MCF2L: variants seen among roughly 807,000 people sequenced by gnomAD.
MCF2L encodes MCF.2 cell line derived transforming sequence like.
In MCF2L, 97 loss-of-function variants were observed where a neutral mutation model predicts 153.4. The observed-to-expected ratio is 0.63, with a 90% CI of 0.54 to 0.75. The LOEUF (loss-of-function observed/expected upper bound fraction) is 0.75, where lower values mean the gene tolerates loss of function less well. Among genes scored for constraint, MCF2L ranks in the 30% least tolerant of loss-of-function variants. The probability of loss-of-function intolerance (pLI) is 0.00; values close to 1 mark genes in which losing one functional copy is unlikely to be tolerated. For synonymous variants in MCF2L, 659 were observed against 632.2 expected (o/e 1.04, Z -0.64); for missense variants, 1,347 against 1,495.2 (o/e 0.90, Z 1.64).
intron 2 of MCF2L, among the ~76,000 whole-genome samples, chr13:113,018,494 C>T (rs1322192622): frequency 2.0e-5 from 3 of 152,130 alleles, no homozygotes; most frequent in Non-Finnish European, 2.9e-5. Flanking sequence ...CTGAGTCATC[C>T]GTTTGACTCT....
At chr13:112,913,777 G>T (rs765154866) in intron 2 of MCF2L, among the ~76,000 whole-genome samples, 4 of 152,038 alleles carry the variant, frequency 2.6e-5, no homozygotes, top group Non-Finnish European at 5.9e-5. Flanking sequence ...TCCTCTCAAC[G>T]AATGTGTGCT....
chr13:112,947,375 A>T (rs2081648562), intron 2 of MCF2L, among the ~76,000 whole-genome samples: 1 of 152,154 alleles, frequency 6.6e-6, no homozygotes, highest in Non-Finnish European at 1.5e-5. Flanking sequence ...CCAACTCAAA[A>T]ATCTAAATTC....
intron 1 of MCF2L, among the ~76,000 whole-genome samples, chr13:112,996,196 C>T (rs1188589594): frequency 2.0e-5 from 3 of 152,138 alleles, no homozygotes; most frequent in Admixed American, 6.5e-5. Flanking sequence ...GGCTTGGAGG[C>T]GTGCACCTGT....
intron 2 of MCF2L, among the ~76,000 whole-genome samples, chr13:112,929,075 T>C: frequency 6.6e-6 from 1 of 152,350 alleles, no homozygotes; most frequent in East Asian, 1.9e-4. Context: ...CCTGGCTGTG[T>C]CTTCTGGGGC....
At chr13:113,043,137 G>T (rs2086605486) in intron 3 of MCF2L, 1 of 152,262 alleles carries the variant, frequency 6.6e-6, no homozygotes, top group Non-Finnish European at 1.5e-5. Flanking sequence ...CCTGTCCAGG[G>T]TGATGCCTTT....
chr13:113,045,121 GCCC>G lies in MCF2L; in HGVS notation c.279-147_279-145del, dbSNP rs1566791506. 1 of 904,290 alleles carries G rather than the reference GCCC, an allele frequency of 1.1e-6. No homozygotes were observed. The highest frequency in any genetic ancestry group is 2.6e-5 in the East Asian group (1 of 38,312). 56.0% of individuals were successfully genotyped at this position (904,290 alleles called of 1,614,324 possible). ...GGACTGCGGGGATGGGGCTGCCGGG[GCCC>G]CCGTGTGCCATGCCTCTCACCTGGT... On this transcript the variant is annotated intron_variant, in intron 3 of 29. Coordinates refer to ENST00000535094, the MANE Select transcript of MCF2L (RefSeq NM_001112732.3). This position sits in a 1 kb window ranked among gnomAD's most constrained non-coding sequence, Gnocchi z 4.2.
chr13:112,917,491 G>C (rs1325878468), intron 2 of MCF2L: 2 of 308,438 alleles, frequency 6.5e-6, no homozygotes. Context: ...CCCCACCGCC[G>C]TCTCGCAGAA....
At chr13:112,905,283 C>G (rs1011061086) in intron 2 of MCF2L, among the ~76,000 whole-genome samples, 5 of 152,210 alleles carry the variant, frequency 3.3e-5, no homozygotes, top group Non-Finnish European at 5.9e-5. Flanking sequence ...TCCCCATTGG[C>G]TGGAGTCAGA....
rs1275893456 is a variant in MCF2L at position 113,064,190 on chromosome 13, G to A, written c.490-114G>A. Reference sequence around the variant, plus strand: ...GCCCCCACCCACACAGCCGCCCGCAGCATCCAGGCAGACGTGGTCCTCTCT... The same window carrying A: ...GCCCCCACCCACACAGCCGCCCGCAACATCCAGGCAGACGTGGTCCTCTCT... On this transcript the variant is annotated intron_variant, in intron 5 of 29. Transcript: ENST00000535094. The surrounding 1 kb of genome is among the most constrained non-coding windows in gnomAD (Gnocchi z 6.0). 2 of 797,146 alleles carry A rather than the reference G, an allele frequency of 2.5e-6. No homozygotes were observed. The highest frequency in any genetic ancestry group is 1.8e-5 in the Admixed American group (1 of 56,846). 49.4% of individuals were successfully genotyped at this position (797,146 alleles called of 1,614,324 possible). A position where few individuals can be genotyped will look rare whatever the true frequency, so the allele number is the denominator to read the frequency against.
At chr13:112,999,049 G>A (rs1354234697) in intron 1 of MCF2L, among the ~76,000 whole-genome samples, 2 of 152,196 alleles carry the variant, frequency 1.3e-5, no homozygotes, top group East Asian at 3.9e-4. Context: ...CACGTGTTCC[G>A]GCCTCTGATG....
chr13:113,026,896 G>C (rs374874663), intron 3 of MCF2L: 73 of 760,406 alleles, frequency 9.6e-5, no homozygotes, highest in Admixed American at 1.6e-4. Context: ...GCATCAGGCC[G>C]GTGAGCTGCA....
Position 113,096,859 on chromosome 13 carries a change from G to A in MCF2L, c.3378G>A (p.Ter1126=), listed in dbSNP as rs2035714926. Reference sequence around the variant, plus strand: ...CCCCCTTCTCCGACCTGCAGGGGTAGCGCGGCCTCGGCGCCGGAGACCCGC... The same window carrying A: ...CCCCCTTCTCCGACCTGCAGGGGTAACGCGGCCTCGGCGCCGGAGACCCGC... ...GQAPFSDLQG[*] Residue 1126 remains the stop codon, a stop_retained_variant, in exon 30 of 30, where the codon TAG becomes TAA. Coordinates refer to ENST00000535094, the MANE Select transcript of MCF2L (RefSeq NM_001112732.3). 4.2e-6 allele frequency: 6 copies of A among 1,434,444 alleles called. No individual in the cohort carries two copies. The highest frequency in any genetic ancestry group is 5.4e-6 in the Non-Finnish European group (6 of 1,102,286). The allele number at this position is 1,434,444 out of a possible 1,614,324, so 88.9% of individuals were successfully genotyped here. A position where few individuals can be genotyped will look rare whatever the true frequency, so the allele number is the denominator to read the frequency against.
Position 113,086,239 on chromosome 13 carries a change from C to T in MCF2L, c.2363C>T (p.Thr788Ile). The change falls in exon 21 of 30, where the codon ACC becomes ATC. Residue 788 changes from threonine (T) to isoleucine (I), a missense_variant. Physicochemically the swap from Thr to Ile is moderately conservative, Grantham distance 89. Around this residue, in one of 3 missense-constraint regions of MCF2L, gnomAD observed 144 missense variants for 238.7 expected, o/e 0.60. Coordinates refer to ENST00000535094, the MANE Select transcript of MCF2L (RefSeq NM_001112732.3). Reference sequence around the variant, plus strand: ...GACTCCATGCACCTCATCGCTATCACCGGCTATGACGTAAGGCGCCCAGAT... The same window carrying T: ...GACTCCATGCACCTCATCGCTATCATCGGCTATGACGTAAGGCGCCCAGAT... ...VNDSMHLIAI[T>I]GYDGNLGDLG... 1 of 1,609,938 alleles carries T rather than the reference C, an allele frequency of 6.2e-7. No individual in the cohort carries two copies. Among genetic ancestry groups the T allele is most frequent in the Non-Finnish European group, 8.5e-7 (1 of 1,178,362 alleles).
intron 27 of MCF2L, 29 bp from the exon 28 acceptor site, chr13:113,096,342 T>C: frequency 1.3e-6 from 2 of 1,504,408 alleles, no homozygotes; most frequent in Non-Finnish European, 1.8e-6. Flanking sequence ...GTGCTGACGC[T>C]GTCTGTGCCC....
chr13:112,896,274 C>T (rs2081066971), intron 1 of MCF2L, among the ~76,000 whole-genome samples: 1 of 152,204 alleles, frequency 6.6e-6, no homozygotes. Context: ...CTTCACCGCC[C>T]CCCCGAGGCC....
rs562570339 is a variant in MCF2L, at chr13:113,088,642, C to T, written c.2834+14C>T. 57 of 1,602,874 alleles carry T rather than the reference C, an allele frequency of 3.6e-5. No homozygotes were observed. The highest frequency in any genetic ancestry group is 2.2e-4 in the South Asian group (20 of 90,694). ...GACCAGCACCAGGTGAGAATGGACA[C>T]GCTGCCGCAGGCCTGCGTTTCTGGA... On this transcript the variant is annotated intron_variant, in intron 25 of 29. Coordinates refer to ENST00000535094, the MANE Select transcript of MCF2L (RefSeq NM_001112732.3).
chr13:113,039,797 G>A (rs1233204589), intron 3 of MCF2L, among the ~76,000 whole-genome samples: 5 of 152,192 alleles, frequency 3.3e-5, no homozygotes, highest in Admixed American at 1.3e-4. Flanking sequence ...ACAGTATCCA[G>A]TGCTGACAAA....
At chr13:113,080,378 C>G (rs61966404) in intron 15 of MCF2L, among the ~76,000 whole-genome samples, 1 of 152,016 alleles carries the variant, frequency 6.6e-6, no homozygotes, top group Non-Finnish European at 1.5e-5. Context: ...GAGTGGCCCT[C>G]GGCTGGCAGT....
In MCF2L at chr13:112,932,728, A is replaced by G. The variant is rs1214100768; in HGVS notation, c.169+30357A>G. Among the ~76,000 whole-genome samples the G allele has an allele frequency of 6.6e-6, 1 of 152,184 alleles. No individual in the cohort carries two copies. The highest frequency in any genetic ancestry group is 2.4e-5 in the African/African-American group (1 of 41,450). On this transcript the variant is annotated intron_variant, in intron 2 of 29. Transcript: ENST00000375608. The surrounding 1 kb of genome is among the most constrained non-coding windows in gnomAD (Gnocchi z 4.6). ...CCCTCATAGGTATCTGTATTTTAGC[A>G]AAAGAGAAATAAACGACTTTGGCTG...
Sources: gnomAD v4.1 joint callset for allele counts (sites outside exome capture counted in the v4.1 genomes callset) on GRCh38, gnomAD v4.1.1 for gene constraint, gnomAD v4.1.1 regional missense constraint, Gnocchi (gnomAD v3.1) non-coding constraint, MANE v1.5 for transcripts, NCBI Gene and HGNC (gene_info 2026-07-23, HGNC 2026-07-21) for gene names.